SUMF1: variants seen among roughly 807,000 people sequenced by gnomAD.
SUMF1 encodes the protein formylglycine-generating enzyme.
Under a neutral mutation model 47.6 loss-of-function variants are expected in SUMF1, and 48 were observed. The ratio of observed to expected loss-of-function variants is 1.01; its 90% CI spans 0.80 to 1.28. SUMF1 has a LOEUF of 1.28. SUMF1 is among the 50% of genes most tolerant of loss of function. The pLI, the probability that SUMF1 is intolerant of heterozygous loss-of-function variation, is 0.00. For missense variants in SUMF1, 571 were observed against 485.4 expected (o/e 1.18, Z -1.66); for synonymous variants, 230 against 192.1 (o/e 1.20, Z -1.63).
chr3:4,101,304 A>T (rs1693027411), intron 8 of SUMF1, among the ~76,000 whole-genome samples: 1 of 152,208 alleles, frequency 6.6e-6, no homozygotes, highest in Non-Finnish European at 1.5e-5. Flanking sequence ...GAACCTATTC[A>T]GCCTTAAAAA....
At chr3:4,128,317 C>A (rs999799792) in intron 8 of SUMF1, among the ~76,000 whole-genome samples, 1 of 152,118 alleles carries the variant, frequency 6.6e-6, no homozygotes, top group Non-Finnish European at 1.5e-5. Flanking sequence ...GGCCCTGAAA[C>A]TTGGAATGGG....
chr3:4,230,119 G>C (rs1195791393), intron 8 of SUMF1, among the ~76,000 whole-genome samples: 1 of 151,788 alleles, frequency 6.6e-6, no homozygotes, highest in Admixed American at 6.6e-5. Flanking sequence ...ATGTGACTTG[G>C]TCTGTGCTGT....
chr3:4,337,166 TTC>T (rs1699169436), intron 8 of SUMF1, among the ~76,000 whole-genome samples: 1 of 152,126 alleles, frequency 6.6e-6, no homozygotes, highest in South Asian at 2.1e-4. Context: ...TATGTTCTAT[TTC>T]TCTGTCTCTT....
chr3:4,134,008 C>A (rs1024473392), intron 8 of SUMF1, among the ~76,000 whole-genome samples: 1 of 152,102 alleles, frequency 6.6e-6, no homozygotes, highest in South Asian at 2.1e-4. Flanking sequence ...GGGGCACACA[C>A]AATAATAATG....
At chr3:4,233,950 C>A (rs190402190) in intron 8 of SUMF1, among the ~76,000 whole-genome samples, 13 of 152,024 alleles carry the variant, frequency 8.6e-5, no homozygotes, top group African/African-American at 3.1e-4. Context: ...GTCACACTTA[C>A]CTAATTAGCA....
chr3:4,234,483 C>T (rs569776223), intron 8 of SUMF1, among the ~76,000 whole-genome samples: 13 of 152,190 alleles, frequency 8.5e-5, no homozygotes, highest in African/African-American at 2.2e-4. Flanking sequence ...GGTATCTTTT[C>T]GTTTCTCCTG....
chr3:4,074,042 C>A (rs1422520429), intron 8 of SUMF1, among the ~76,000 whole-genome samples: 1 of 152,136 alleles, frequency 6.6e-6, no homozygotes, highest in Non-Finnish European at 1.5e-5. Context: ...ATACATTCTT[C>A]TCAGCACCAC....
intron 8 of SUMF1, among the ~76,000 whole-genome samples, chr3:4,224,794 A>C (rs1171063794): frequency 6.6e-6 from 1 of 152,086 alleles, no homozygotes; most frequent in Non-Finnish European, 1.5e-5. Flanking sequence ...GAGATAAGAG[A>C]GGAAAATGAA....
At chr3:4,245,143 C>G (rs1452560298) in intron 8 of SUMF1, among the ~76,000 whole-genome samples, 1 of 151,962 alleles carries the variant, frequency 6.6e-6, no homozygotes, top group Non-Finnish European at 1.5e-5. Flanking sequence ...TTCATCTAAC[C>G]TTTTTTCAAG....
intron 8 of SUMF1, among the ~76,000 whole-genome samples, chr3:4,076,126 C>G (rs1692427432): frequency 6.6e-6 from 1 of 152,204 alleles, no homozygotes; most frequent in East Asian, 1.9e-4. Flanking sequence ...CAGCATGGTA[C>G]TGGTACCAAA....
At chr3:4,437,904 G>T (rs1274949480) in intron 3 of SUMF1, among the ~76,000 whole-genome samples, 1 of 151,688 alleles carries the variant, frequency 6.6e-6, no homozygotes, top group South Asian at 2.1e-4. Flanking sequence ...GTGCCACTGC[G>T]CTCCAGCCTG....
At chr3:4,120,794 G>T (rs1267848027) in intron 8 of SUMF1, among the ~76,000 whole-genome samples, 3 of 152,102 alleles carry the variant, frequency 2.0e-5, no homozygotes, top group African/African-American at 7.2e-5. Flanking sequence ...GAGGTGTCAG[G>T]AAAACACACA....
At chr3:4,292,953 A>C (rs1407948565) in intron 8 of SUMF1, among the ~76,000 whole-genome samples, 2 of 152,192 alleles carry the variant, frequency 1.3e-5, no homozygotes, top group Non-Finnish European at 2.9e-5. Flanking sequence ...CTTCTAAGCT[A>C]AGCTCATGGG....
intron 8 of SUMF1, among the ~76,000 whole-genome samples, chr3:4,273,347 AG>A (rs1315697038): frequency 6.6e-6 from 1 of 152,158 alleles, no homozygotes; most frequent in African/African-American, 2.4e-5. Flanking sequence ...GGCAATAAAA[AG>A]GAACAAAGTA....
chr3:4,456,280 C>A (rs367668638), intron 1 of SUMF1, among the ~76,000 whole-genome samples: 21 of 152,170 alleles, frequency 1.4e-4, no homozygotes, highest in Middle Eastern at 3.4e-3. Context: ...AAAATGGAAA[C>A]CTTTGCCTGT....
At chr3:4,155,690 TA>T (rs1053313404) in intron 8 of SUMF1, among the ~76,000 whole-genome samples, 2 of 151,518 alleles carry the variant, frequency 1.3e-5, no homozygotes, top group African/African-American at 4.9e-5. Flanking sequence ...ATTAATTTAG[TA>T]AACTCTTTCA....
At chr3:4,184,651 ATTT>A (rs113449863) in intron 8 of SUMF1, among the ~76,000 whole-genome samples, 13 of 135,004 alleles carry the variant, frequency 9.6e-5, no homozygotes, top group Admixed American at 2.2e-4. Context: ...ATTTCCCTGG[ATTT>A]TTTTTTTTTT....
intron 8 of SUMF1, among the ~76,000 whole-genome samples, chr3:4,208,149 C>A (rs1254378713): frequency 6.6e-6 from 1 of 151,954 alleles, no homozygotes; most frequent in African/African-American, 2.4e-5. Flanking sequence ...GGGGTTTTAC[C>A]AGAGCCTACT....
At chr3:4,445,189 A>T (rs1702738447) in intron 3 of SUMF1, among the ~76,000 whole-genome samples, 1 of 152,252 alleles carries the variant, frequency 6.6e-6, no homozygotes, top group Non-Finnish European at 1.5e-5. Context: ...ACTGGACTAT[A>T]TAAAAAATAT....
Sources: allele counts gnomAD v4.1 joint callset (sites outside exome capture counted in the v4.1 genomes callset), GRCh38; gene constraint gnomAD v4.1.1; transcripts MANE v1.5; gene names NCBI Gene and HGNC (gene_info 2026-07-23, HGNC 2026-07-21).